The following SPTBN2 variants were observed in gnomAD, a reference collection of about 807,000 sequenced individuals.
SPTBN2 encodes the protein spectrin beta chain, non-erythrocytic 2.
In SPTBN2, 107 loss-of-function variants were observed where a neutral mutation model predicts 284.2. The observed-to-expected ratio is 0.38, with a 90% CI of 0.32 to 0.44. SPTBN2 has a LOEUF of 0.44. Among genes scored for constraint, SPTBN2 ranks in the 20% least tolerant of loss-of-function variants. The probability of loss-of-function intolerance (pLI) is 1.00; values close to 1 mark genes in which losing one functional copy is unlikely to be tolerated. For missense variants in SPTBN2, 2,569 were observed against 3,287.1 expected, an observed-to-expected ratio of 0.78 and a Z score of 5.34; for synonymous variants, 1,289 against 1,354.8, an observed-to-expected ratio of 0.95 and a Z score of 1.07.
Position 66,719,583 on chromosome 11 carries a change from G to A in SPTBN2, c.157+1501C>T, listed in dbSNP as rs117783282. On this transcript the variant is annotated intron_variant, in intron 3 of 37. Transcript: ENST00000533211. ...AGATGTGTGCACAGACATGGTGACA[G>A]TGCTGGGTGGCCCAAGTTATGTGCA... Among the ~76,000 whole-genome samples, 632 of 152,340 alleles carry A rather than the reference G, an allele frequency of 4.1e-3. 2 individuals carry two copies. Among genetic ancestry groups the A allele is most frequent in the Non-Finnish European group, 5.4e-3 (366 of 68,038 alleles).
At chr11:66,723,820 C>T (rs1942521036) in intron 1 of SPTBN2, among the ~76,000 whole-genome samples, 1 of 152,174 alleles carries the variant, frequency 6.6e-6, no homozygotes, top group South Asian at 2.1e-4. Flanking sequence ...ATGACCTGAA[C>T]TAGCGTCACC....
In SPTBN2 at chr11:66,687,629, C is replaced by T. The variant is rs1940216304; in HGVS notation, c.6520G>A (p.Glu2174Lys). ...PEGPGPGSGDEANGPRGERQT... is the reference protein window; with the variant it reads ...PEGPGPGSGDKANGPRGERQT... ...CTCTCTCCCCGGGGCCCATTGGCTT[C>T]GTCCCCTGAGCCAGGTCCCTGGGGG... The change falls in exon 35 of 38, where the codon GAA (glutamate) becomes AAA (lysine). Residue 2174 changes from glutamate to lysine, a missense_variant. By Grantham distance (56) the Glu-to-Lys change is moderately conservative. Coordinates refer to ENST00000533211, the MANE Select transcript of SPTBN2 (RefSeq NM_006946.4). This position sits in a 1 kb window ranked among gnomAD's most constrained non-coding sequence, Gnocchi z 5.2. The T allele has an allele frequency of 3.8e-6, 6 of 1,599,664 alleles. No homozygotes were observed. Among genetic ancestry groups the T allele is most frequent in the East Asian group, 2.2e-5 (1 of 44,672 alleles).
Position 66,701,621 on chromosome 11 carries a change from C to G in SPTBN2, c.2779G>C (p.Asp927His). The G allele has an allele frequency of 6.2e-7, 1 of 1,614,124 alleles. No homozygotes were observed. The highest frequency in any genetic ancestry group is 8.5e-7 in the Non-Finnish European group (1 of 1,180,040). Residue 927 changes from aspartate (D) to histidine (H), a missense_variant, in exon 16 of 38, where the codon GAC becomes CAC. Coordinates refer to ENST00000533211, the MANE Select transcript of SPTBN2 (RefSeq NM_006946.4). ...QLLKANPPGK[D>H]RIVNTQEQLN... is the part of the protein sequence containing the mutation. ...TGCTCCTGGGTGTTGACAATGCGGT[C>G]TTTGCCTGGGGGGTTGGCCTTCAGT...
In SPTBN2 at chr11:66,721,270, G is replaced by A. The variant is rs2135559815; in HGVS notation, c.-22-8C>T. On this transcript the variant is annotated splice_region_variant and splice_polypyrimidine_tract_variant and intron_variant, in intron 2 of 37. Transcript: ENST00000533211. ...GTAGGCGGCTTCCTGCTCCTGCAAG[G>A]AGAATGTGGCCAGTGAGGGGTGTCC... The A allele has an allele frequency of 6.2e-7, 1 of 1,614,072 alleles. No homozygotes were observed. The highest frequency in any genetic ancestry group is 1.1e-5 in the South Asian group (1 of 91,074).
rs1404256081 is a variant in SPTBN2, at chr11:66,687,869, G to A, written c.6500C>T (p.Pro2167Leu). The A allele has an allele frequency of 2.5e-6, 4 of 1,614,114 alleles. No individual in the cohort carries two copies. The highest frequency in any genetic ancestry group is 2.2e-5 in the East Asian group (1 of 44,878). Residue 2167 changes from proline (P) to leucine (L), a missense_variant and splice_region_variant, in exon 34 of 38, where the codon CCG (proline) becomes CTG (leucine). Around this residue, in one of 6 missense-constraint regions of SPTBN2, gnomAD observed 1,130 missense variants for 1,317.3 expected, o/e 0.86. Coordinates refer to ENST00000533211, the MANE Select transcript of SPTBN2 (RefSeq NM_006946.4). The surrounding 1 kb of genome is among the most constrained non-coding windows in gnomAD (Gnocchi z 5.2). Reference sequence around the variant, plus strand: ...CACCACACTTGCAGGGGAACTCACCGGCCCTTCGGGGAAGCTGCTGTGCTC... The same window carrying A: ...CACCACACTTGCAGGGGAACTCACCAGCCCTTCGGGGAAGCTGCTGTGCTC... Reference protein sequence around the residue: ...RLEHSSFPEGPGPGSGDEANG... With the variant: ...RLEHSSFPEGLGPGSGDEANG...
intron 21 of SPTBN2, among the ~76,000 whole-genome samples, chr11:66,695,028 A>G (rs1940829209): frequency 6.6e-6 from 1 of 152,188 alleles, no homozygotes; most frequent in Non-Finnish European, 1.5e-5. Context: ...GGCTTCAGAC[A>G]TGCTCTGGCC....
At chr11:66,704,495 AAGGG>A in intron 15 of SPTBN2, 99 bp downstream of exon 15, 1 of 1,352,318 alleles carries the variant, frequency 7.4e-7, no homozygotes, top group South Asian at 1.4e-5. Context: ...TTAAGACTCA[AAGGG>A]GTGAGGCAGG....
chr11:66,691,711 C>T lies in SPTBN2; in HGVS notation c.5191-53G>A. 1.9e-6 allele frequency: 3 copies of T among 1,610,366 alleles called. No individual in the cohort carries two copies. The highest frequency in any genetic ancestry group is 2.5e-6 in the Non-Finnish European group (3 of 1,179,902). Reference sequence around the variant, plus strand: ...ATGCCGTGATGTTAGGGGATGTGGTCCCTGCCTGATGGAGCGAGTCCTCCA... The same window carrying T: ...ATGCCGTGATGTTAGGGGATGTGGTTCCTGCCTGATGGAGCGAGTCCTCCA... On this transcript the variant is annotated intron_variant, in intron 26 of 37. Transcript: ENST00000533211. This position sits in a 1 kb window ranked among gnomAD's most constrained non-coding sequence, Gnocchi z 8.0.
chr11:66,694,477 A>G (rs1940785827), intron 21 of SPTBN2, 114 bp from the exon 22 acceptor site: 1 of 1,050,634 alleles, frequency 9.5e-7, no homozygotes, highest in African/African-American at 1.6e-5. Context: ...ACTGCAGCTC[A>G]CCCAGGGAGA....
At chr11:66,709,980 T>C (rs889494014) in intron 10 of SPTBN2, among the ~76,000 whole-genome samples, 1 of 152,240 alleles carries the variant, frequency 6.6e-6, no homozygotes, top group Admixed American at 6.5e-5. Context: ...CCATGACACC[T>C]GATCAGTAAT....
upstream of SPTBN2, among the ~76,000 whole-genome samples, chr11:66,734,064 T>C (rs1356862983): frequency 6.6e-6 from 1 of 152,132 alleles, no homozygotes; most frequent in African/African-American, 2.4e-5. Flanking sequence ...CTTCTCCTCT[T>C]GGCAGCAATT....
Position 66,693,732 on chromosome 11 carries a change from C to A in SPTBN2, c.4593+40G>T. 6.3e-7 allele frequency: 1 copy of A among 1,577,906 alleles called. No homozygotes were observed. Among genetic ancestry groups the A allele is most frequent in the East Asian group, 2.3e-5 (1 of 43,810 alleles). ...AAAAACACGTCCAAGTCTGGGCAGG[C>A]TCCTGGGAACTTCTCTTTTGCCTTC... On this transcript the variant is annotated intron_variant, in intron 23 of 37. Transcript: ENST00000533211. The surrounding 1 kb of genome is among the most constrained non-coding windows in gnomAD (Gnocchi z 5.7).
chr11:66,716,733 G>T (rs1942168924), intron 3 of SPTBN2, among the ~76,000 whole-genome samples: 1 of 152,222 alleles, frequency 6.6e-6, no homozygotes, highest in African/African-American at 2.4e-5. Context: ...CAACTAGTTG[G>T]TGCCTGGCAC....
intron 21 of SPTBN2, among the ~76,000 whole-genome samples, chr11:66,695,521 A>G (rs1484639457): frequency 6.6e-6 from 1 of 152,000 alleles, no homozygotes; most frequent in Non-Finnish European, 1.5e-5. Context: ...CGGCCTCCCA[A>G]AGTGTTGGGA....
rs772594172 is a variant in SPTBN2, at chr11:66,687,446, C to T, written c.6703G>A (p.Gly2235Arg). The T allele has an allele frequency of 8.7e-6, 14 of 1,607,480 alleles. No homozygotes were observed. In the South Asian group the frequency reaches 9.9e-5, roughly 11 times the overall value. Reference protein sequence around the residue: ...LCRKQEMEAFGKKAANRSWQN... With the variant: ...LCRKQEMEAFRKKAANRSWQN... ...CTGTACCTGTTGGCAGCCTTCTTCC[C>T]GAAGGCCTCCATCTCCTGCTTGCGG... Residue 2235 changes from glycine to arginine, a missense_variant, in exon 35 of 38, where the codon GGG (glycine) becomes AGG (arginine). Transcript: ENST00000533211. The surrounding 1 kb of genome is among the most constrained non-coding windows in gnomAD (Gnocchi z 5.2).
intron 18 of SPTBN2, 27 bp downstream of exon 18, chr11:66,699,379 C>T (rs184116611): frequency 2.5e-6 from 4 of 1,611,098 alleles, no homozygotes; most frequent in Admixed American, 3.3e-5. Flanking sequence ...CCTGGGAACC[C>T]TAATTCATGG....
At position 66,722,507 on chromosome 11, in the gene SPTBN2, C is replaced by T. The variant is rs148763530; in HGVS notation, c.-113-1067G>A. The stretch of plus-strand genomic sequence containing the variant: ...AGGAGAATGGCGTGAACCCAGGAGG[C>T]GGAGCTTGCAGTGAGCCGAGATCTC... On this transcript the variant is annotated intron_variant, in intron 1 of 37. Coordinates refer to ENST00000533211, the MANE Select transcript of SPTBN2 (RefSeq NM_006946.4). 5.7e-3 allele frequency among the ~76,000 whole-genome samples: 785 copies of T among 136,956 alleles called. 52 individuals carry two copies. The East Asian group carries it at 0.15, about 26-fold the overall frequency. 89.8% of individuals were successfully genotyped at this position (136,956 alleles called of 152,430 possible).
chr11:66,702,540 C>T (rs1221775513), intron 15 of SPTBN2, among the ~76,000 whole-genome samples: 3 of 152,162 alleles, frequency 2.0e-5, no homozygotes, highest in South Asian at 2.1e-4. Context: ...TTATAGGCTT[C>T]GTGAGCCATG....
intron 36 of SPTBN2, 198 bp from the exon 37 acceptor site, chr11:66,686,638 G>T: frequency 1.5e-6 from 1 of 678,030 alleles, no homozygotes; most frequent in East Asian, 2.7e-5. Flanking sequence ...GGCCCCAGAG[G>T]CAGGGGGAGC....
Sources: allele counts gnomAD v4.1 joint callset (sites outside exome capture counted in the v4.1 genomes callset), GRCh38; gene constraint gnomAD v4.1.1; regional missense constraint gnomAD v4.1.1; non-coding constraint Gnocchi (gnomAD v3.1); transcripts MANE v1.5; gene names NCBI Gene and HGNC (gene_info 2026-07-23, HGNC 2026-07-21).